PMF1: variants seen among roughly 807,000 people sequenced by gnomAD.
The protein encoded by PMF1 is polyamine modulated factor 1, also known as polyamine-modulated factor 1.
Under a neutral mutation model 26.7 loss-of-function variants are expected in PMF1, and 21 were observed. That is an observed-to-expected ratio of 0.79 (90% CI 0.56 to 1.13). The LOEUF (loss-of-function observed/expected upper bound fraction) is 1.13, where lower values mean the gene tolerates loss of function less well. Ranked by LOEUF, PMF1 falls within the 50% of genes most tolerant of loss-of-function variation. The pLI, the probability that PMF1 is intolerant of heterozygous loss-of-function variation, is 0.00. For synonymous variants in PMF1, 105 were observed against 101.0 expected (o/e 1.04, Z -0.24); for missense variants, 266 against 254.9 (o/e 1.04, Z -0.30).
At chr1:156,235,254 A>G (rs1035450484) in intron 3 of PMF1, among the ~76,000 whole-genome samples, 6 of 151,034 alleles carry the variant, frequency 4.0e-5, no homozygotes, top group Non-Finnish European at 7.4e-5. Flanking sequence ...CCTCCCGAGT[A>G]GCTGGGATTA....
chr1:156,236,702 C>T (rs1659038637), intron 4 of PMF1: 1 of 640,706 alleles, frequency 1.6e-6, no homozygotes, highest in East Asian at 2.8e-5. Flanking sequence ...CAGGCACAGG[C>T]ATGTGTTCCC....
intron 3 of PMF1, among the ~76,000 whole-genome samples, chr1:156,235,652 A>G (rs191586750): frequency 3.8e-4 from 57 of 151,514 alleles, no homozygotes; most frequent in African/African-American, 1.3e-3. Flanking sequence ...CATGTTAGCC[A>G]GGATGCTCTC....
At chr1:156,233,808 G>A in intron 3 of PMF1, 80 bp downstream of exon 3, 2 of 1,393,464 alleles carry the variant, frequency 1.4e-6, no homozygotes, top group South Asian at 2.6e-5. Context: ...TAGAGTCAGG[G>A]TCTCACTATG....
chr1:156,222,034 T>G (rs1658109804), intron 1 of PMF1, among the ~76,000 whole-genome samples: 1 of 152,232 alleles, frequency 6.6e-6, no homozygotes, highest in Non-Finnish European at 1.5e-5. Flanking sequence ...ACAGCTCAGA[T>G]TTGATCCCCT....
chr1:156,231,465 G>A (rs929048409), intron 1 of PMF1, among the ~76,000 whole-genome samples: 2 of 152,004 alleles, frequency 1.3e-5, no homozygotes, highest in Non-Finnish European at 2.9e-5. Context: ...CACTTTGGGA[G>A]GCTGAGGCGG....
At chr1:156,219,250 T>C (rs1191870987) in intron 1 of PMF1, among the ~76,000 whole-genome samples, 1 of 152,298 alleles carries the variant, frequency 6.6e-6, no homozygotes, top group East Asian at 1.9e-4. Context: ...ATAAAGGCTA[T>C]GCCCACATCT....
intron 1 of PMF1, among the ~76,000 whole-genome samples, chr1:156,220,105 A>G (rs1288926396): frequency 6.6e-6 from 1 of 151,898 alleles, no homozygotes; most frequent in Non-Finnish European, 1.5e-5. Flanking sequence ...CTGGGACTAC[A>G]GGCACCCGCC....
intron 1 of PMF1, among the ~76,000 whole-genome samples, chr1:156,213,907 T>TTATTTA (rs1349599788): frequency 6.6e-6 from 1 of 151,958 alleles, no homozygotes; most frequent in African/African-American, 2.4e-5. Flanking sequence ...GACTTTTATT[T>TTATTTA]TATTTATTTT....
At chr1:156,234,249 A>G (rs1239835217) in intron 3 of PMF1, among the ~76,000 whole-genome samples, 1 of 152,108 alleles carries the variant, frequency 6.6e-6, no homozygotes, top group Admixed American at 6.5e-5. Flanking sequence ...AGCCCCAGGT[A>G]AGCCATGTTG....
At chr1:156,225,590 T>C in intron 1 of PMF1, 1 of 1,559,532 alleles carries the variant, frequency 6.4e-7, no homozygotes, top group Non-Finnish European at 8.7e-7. Context: ...GAAGTGCTGG[T>C]CCCCGCCTGC....
At chr1:156,219,675 T>G (rs1657973593) in intron 1 of PMF1, among the ~76,000 whole-genome samples, 1 of 152,052 alleles carries the variant, frequency 6.6e-6, no homozygotes, top group Non-Finnish European at 1.5e-5. Context: ...AGTCTCAACC[T>G]CCTGGGCTCA....
intron 1 of PMF1, among the ~76,000 whole-genome samples, chr1:156,215,625 C>G (rs1255293721): frequency 6.6e-6 from 1 of 152,008 alleles, no homozygotes; most frequent in Non-Finnish European, 1.5e-5. Context: ...CTCTGAGGCT[C>G]AAGTGATCCT....
At chr1:156,234,295 G>A (rs540994618) in intron 3 of PMF1, among the ~76,000 whole-genome samples, 17 of 151,018 alleles carry the variant, frequency 1.1e-4, no homozygotes, top group South Asian at 4.2e-4. Context: ...TTTGAGGCCA[G>A]ACTGAAGAAG....
At chr1:156,223,834 T>C (rs1277727837) in intron 1 of PMF1, 2 of 152,212 alleles carry the variant, frequency 1.3e-5, no homozygotes, top group Non-Finnish European at 1.5e-5. Context: ...TGCTGTCTCA[T>C]ACCCATTTTC....
At chr1:156,223,313 T>C (rs1658183953) in intron 1 of PMF1, 1 of 152,208 alleles carries the variant, frequency 6.6e-6, no homozygotes, top group South Asian at 2.1e-4. Context: ...TGTCCTAAGG[T>C]GTAGATCTGT....
chr1:156,221,686 C>G (rs1175311578), intron 1 of PMF1, among the ~76,000 whole-genome samples: 1 of 152,210 alleles, frequency 6.6e-6, no homozygotes, highest in African/African-American at 2.4e-5. Flanking sequence ...TCTACTACTA[C>G]AAATCTCCAT....
Position 156,213,062 on chromosome 1 carries a change from A to G in PMF1, c.47A>G (p.Lys16Arg). The change falls in exon 1 of 5, where the codon AAA (lysine) becomes AGA (arginine). Residue 16 changes from lysine to arginine, a missense_variant. Coordinates refer to ENST00000368277, the MANE Select transcript of PMF1 (RefSeq NM_007221.4). Reference protein sequence around the residue: ...SANLGSGCEEKRHEGSSSESV... With the variant: ...SANLGSGCEERRHEGSSSESV... The stretch of plus-strand genomic sequence containing the variant: ...AATCTAGGCAGCGGCTGTGAGGAAA[A>G]AAGGCATGAGGGGTCGTCTTCGGAA... The G allele has an allele frequency of 1.4e-5, 23 of 1,614,208 alleles. No individual in the cohort carries two copies. The highest frequency in any genetic ancestry group is 1.9e-5 in the Non-Finnish European group (23 of 1,180,020).
intron 2 of PMF1, among the ~76,000 whole-genome samples, chr1:156,233,223 G>A (rs1572501793): frequency 6.6e-6 from 1 of 151,828 alleles, no homozygotes; most frequent in South Asian, 2.1e-4. Flanking sequence ...GCGCAATCTC[G>A]GTTCACTACA....
intron 4 of PMF1, among the ~76,000 whole-genome samples, chr1:156,238,868 T>C (rs1471400676): frequency 8.2e-6 from 1 of 122,332 alleles, no homozygotes; most frequent in Non-Finnish European, 1.6e-5. Context: ...GGCGCGAAAG[T>C]GGTGGTGACA....
Sources: gnomAD v4.1 joint callset for allele counts (sites outside exome capture counted in the v4.1 genomes callset) on GRCh38, gnomAD v4.1.1 for gene constraint, MANE v1.5 for transcripts, NCBI Gene and HGNC (gene_info 2026-07-23, HGNC 2026-07-21) for gene names.